TMEM161B: variants seen among roughly 807,000 people sequenced by gnomAD.
TMEM161B encodes the protein transmembrane protein 161B.
Under a neutral mutation model 61.8 loss-of-function variants are expected in TMEM161B, and 34 were observed. The observed-to-expected ratio is 0.55, with a 90% CI of 0.42 to 0.73. The LOEUF (loss-of-function observed/expected upper bound fraction) is 0.73, where lower values mean the gene tolerates loss of function less well. Ranked by LOEUF, TMEM161B falls within the 30% of genes least tolerant of loss-of-function variation. TMEM161B has a pLI of 0.00. For missense variants in TMEM161B, 456 were observed against 558.5 expected, an observed-to-expected ratio of 0.82 and a Z score of 1.85; for synonymous variants, 167 against 192.8, an observed-to-expected ratio of 0.87 and a Z score of 1.11.
intron 2 of TMEM161B, among the ~76,000 whole-genome samples, chr5:88,235,008 C>T (rs1233404945): frequency 2.0e-5 from 3 of 152,150 alleles, no homozygotes; most frequent in East Asian, 1.9e-4. Flanking sequence ...AGATTATCTG[C>T]AGTGACTCTG....
downstream of TMEM161B, among the ~76,000 whole-genome samples, chr5:88,189,121 A>T (rs1378982498): frequency 6.6e-6 from 1 of 152,178 alleles, no homozygotes; most frequent in Non-Finnish European, 1.5e-5. Flanking sequence ...CTAATGGGTT[A>T]TAGCACACAT....
intron 1 of TMEM161B, among the ~76,000 whole-genome samples, chr5:88,257,436 TAA>T (rs1209882491): frequency 5.3e-5 from 8 of 152,202 alleles, no homozygotes; most frequent in South Asian, 2.1e-4. Context: ...GAAAATTTGT[TAA>T]GTTAGGTAAA....
chr5:88,193,394 T>G (rs1749164708), downstream of TMEM161B, among the ~76,000 whole-genome samples: 1 of 152,166 alleles, frequency 6.6e-6, no homozygotes, highest in Non-Finnish European at 1.5e-5. Flanking sequence ...TATACTGGTC[T>G]AATTTGGGGA....
chr5:88,207,734 C>T (rs1745804568), intron 5 of TMEM161B, among the ~76,000 whole-genome samples: 1 of 152,148 alleles, frequency 6.6e-6, no homozygotes, highest in African/African-American at 2.4e-5. Context: ...AAGAGATTAT[C>T]TTATCTGAAC....
At chr5:88,219,483 A>G (rs1034182823) in intron 5 of TMEM161B, among the ~76,000 whole-genome samples, 1 of 152,190 alleles carries the variant, frequency 6.6e-6, no homozygotes, top group Non-Finnish European at 1.5e-5. Flanking sequence ...TAAAAATAAG[A>G]AAACAAAAAT....
At chr5:88,265,360 C>T (rs575140445) in intron 1 of TMEM161B, among the ~76,000 whole-genome samples, 11 of 152,240 alleles carry the variant, frequency 7.2e-5, no homozygotes, top group African/African-American at 2.2e-4. Flanking sequence ...AGGATGGTTT[C>T]GGGATGAAAT....
Position 88,196,233 on chromosome 5 carries a change from T to A in TMEM161B, c.1442A>T (p.His481Leu). 6.2e-7 allele frequency: 1 copy of A among 1,611,796 alleles called. No homozygotes were observed. The highest frequency in any genetic ancestry group is 8.5e-7 in the Non-Finnish European group (1 of 1,178,948). The change falls in exon 12 of 12, where the codon CAC becomes CTC. Residue 481 changes from histidine (H) to leucine (L), a missense_variant. His to Leu is a moderately conservative substitution (Grantham distance 99, BLOSUM62 -3). Transcript: ENST00000296595. The part of the protein sequence containing the change: ...FSTSLFGLFY[H>L]QYLTVA The stretch of plus-strand genomic sequence containing the variant: ...GATTCATGCCACAGTCAGATACTGG[T>A]GATAGAAAAGCCCAAAAAGGCTTGT...
At chr5:88,188,581 T>A (rs1356692265), downstream of TMEM161B, among the ~76,000 whole-genome samples, 1 of 152,076 alleles carries the variant, frequency 6.6e-6, no homozygotes. Context: ...ATACAAAAAG[T>A]ATAAAGGATA....
intron 5 of TMEM161B, 35 bp from the exon 6 acceptor site, chr5:88,207,215 A>T (rs752877598): frequency 2.5e-6 from 4 of 1,579,672 alleles, no homozygotes; most frequent in Non-Finnish European, 3.4e-6. Context: ...AACCACAATA[A>T]ATTTATAGGA....
chr5:88,198,899 T>G, intron 10 of TMEM161B, 77 bp downstream of exon 10: 2 of 1,360,912 alleles, frequency 1.5e-6, no homozygotes, highest in Non-Finnish European at 2.0e-6. Flanking sequence ...TACTATCTAC[T>G]AAAGGAAACC....
chr5:88,210,587 C>G (rs1746513961), intron 5 of TMEM161B, among the ~76,000 whole-genome samples: 1 of 152,122 alleles, frequency 6.6e-6, no homozygotes, highest in Non-Finnish European at 1.5e-5. Context: ...TAGATTTAGT[C>G]AACTGCATCA....
Position 88,250,229 on chromosome 5 carries a change from C to T in TMEM161B, c.4-9313G>A, listed in dbSNP as rs543771655. On this transcript the variant is annotated intron_variant, in intron 1 of 11. Coordinates refer to ENST00000296595, the MANE Select transcript of TMEM161B (RefSeq NM_153354.5). ...AGAGAGAGAGACCGAGACCAGAAGC[C>T]TGGCTGGTAAGAAATTCTTACCTTT... Among the ~76,000 whole-genome samples the T allele has an allele frequency of 5.3e-5, 8 of 152,070 alleles. No homozygotes were observed. The East Asian group carries it at 1.6e-3, about 30-fold the overall frequency.
At chr5:88,204,868 A>C (rs1745157202) in intron 8 of TMEM161B, among the ~76,000 whole-genome samples, 1 of 152,160 alleles carries the variant, frequency 6.6e-6, no homozygotes, top group African/African-American at 2.4e-5. Context: ...AAGACAGTCA[A>C]AATTAAATTA....
chr5:88,187,801 T>A (rs183316862), downstream of TMEM161B, among the ~76,000 whole-genome samples: 1 of 152,176 alleles, frequency 6.6e-6, no homozygotes, highest in Non-Finnish European at 1.5e-5. Flanking sequence ...ATTTGTGTAG[T>A]ATTTCATTGG....
intron 11 of TMEM161B, 119 bp from the exon 12 acceptor site, chr5:88,196,607 TTA>T: frequency 9.6e-7 from 1 of 1,038,942 alleles, no homozygotes; most frequent in Non-Finnish European, 1.3e-6. Context: ...GTACATCATT[TTA>T]TGTTAAAAAT....
intron 5 of TMEM161B, among the ~76,000 whole-genome samples, chr5:88,210,964 C>T (rs185584396): frequency 6.6e-6 from 1 of 152,286 alleles, no homozygotes; most frequent in Admixed American, 6.5e-5. Flanking sequence ...GGTCCATATG[C>T]AGTCTCTGTA....
chr5:88,200,375 G>A (rs998966377), intron 9 of TMEM161B: 1 of 152,052 alleles, frequency 6.6e-6, no homozygotes, highest in African/African-American at 2.4e-5. Context: ...GAGAGTAACA[G>A]TACGTAAGAC....
chr5:88,259,314 T>C (rs1260301782), intron 1 of TMEM161B: 1 of 152,202 alleles, frequency 6.6e-6, no homozygotes, highest in Non-Finnish European at 1.5e-5. Context: ...CTGCTGAATG[T>C]ATGGAAGGGA....
intron 5 of TMEM161B, among the ~76,000 whole-genome samples, chr5:88,210,954 G>A (rs575514875): frequency 1.3e-5 from 2 of 152,232 alleles, no homozygotes; most frequent in South Asian, 4.2e-4. Flanking sequence ...CAGGCTTTGT[G>A]GTCCATATGC....
Sources: allele counts gnomAD v4.1 joint callset (sites outside exome capture counted in the v4.1 genomes callset), GRCh38; gene constraint gnomAD v4.1.1; transcripts MANE v1.5; gene names NCBI Gene and HGNC (gene_info 2026-07-23, HGNC 2026-07-21).